ST6GALNAC3: variants seen among roughly 807,000 people sequenced by gnomAD.
ST6GALNAC3 encodes ST6 N-acetylgalactosaminide alpha-2,6-sialyltransferase 3, also known as alpha-N-acetylgalactosaminide alpha-2,6-sialyltransferase 3.
In ST6GALNAC3, 25 loss-of-function variants were observed where a neutral mutation model predicts 32.7. The observed-to-expected ratio is 0.76, with a 90% CI of 0.56 to 1.07. The LOEUF is 1.07. Among genes scored for constraint, ST6GALNAC3 ranks in the 50% least tolerant of loss-of-function variants. The pLI, the probability that ST6GALNAC3 is intolerant of heterozygous loss-of-function variation, is 0.00. For synonymous variants in ST6GALNAC3, 129 were observed against 133.1 expected (o/e 0.97, Z 0.21); for missense variants, 355 against 382.4 (o/e 0.93, Z 0.60).
intron 1 of ST6GALNAC3, among the ~76,000 whole-genome samples, chr1:76,228,189 A>G (rs1656180712): frequency 6.6e-6 from 1 of 152,204 alleles, no homozygotes; most frequent in Non-Finnish European, 1.5e-5. Context: ...TTTGCCTACC[A>G]CTAAAAGTGT....
chr1:76,479,708 G>C (rs1208059079), intron 3 of ST6GALNAC3, among the ~76,000 whole-genome samples: 1 of 152,044 alleles, frequency 6.6e-6, no homozygotes, highest in Non-Finnish European at 1.5e-5. Context: ...GCCCCTTAAA[G>C]GTCTCACCTC....
At chr1:76,084,915 A>C (rs966773127) in intron 1 of ST6GALNAC3, among the ~76,000 whole-genome samples, 1 of 152,212 alleles carries the variant, frequency 6.6e-6, no homozygotes, top group Non-Finnish European at 1.5e-5. Context: ...TTGTCTCACA[A>C]CAACCTTCAG....
intron 1 of ST6GALNAC3, among the ~76,000 whole-genome samples, chr1:76,135,730 C>G (rs1421469712): frequency 6.6e-6 from 1 of 152,220 alleles, no homozygotes; most frequent in East Asian, 1.9e-4. Context: ...TTTCTCCTTT[C>G]AGGCAACTTC....
intron 1 of ST6GALNAC3, among the ~76,000 whole-genome samples, chr1:76,190,804 A>T (rs1029149621): frequency 1.3e-5 from 2 of 152,204 alleles, no homozygotes; most frequent in Non-Finnish European, 2.9e-5. Context: ...AGAGCAAGAA[A>T]GGGGTTTTTA....
intron 3 of ST6GALNAC3, among the ~76,000 whole-genome samples, chr1:76,560,159 A>C (rs1270039785): frequency 6.6e-6 from 1 of 152,146 alleles, no homozygotes; most frequent in Non-Finnish European, 1.5e-5. Context: ...TAGACCCCCT[A>C]TCTCTCACCA....
At chr1:76,115,907 G>T (rs112777551) in intron 1 of ST6GALNAC3, among the ~76,000 whole-genome samples, 3 of 152,288 alleles carry the variant, frequency 2.0e-5, no homozygotes, top group African/African-American at 7.2e-5. Flanking sequence ...TCTAAAATAG[G>T]TGTTAAATAT....
chr1:76,270,811 A>G (rs1486625250), intron 1 of ST6GALNAC3, among the ~76,000 whole-genome samples: 2 of 152,210 alleles, frequency 1.3e-5, no homozygotes, highest in African/African-American at 2.4e-5. Flanking sequence ...CATTCAGTCC[A>G]TACTCAAAAG....
intron 1 of ST6GALNAC3, among the ~76,000 whole-genome samples, chr1:76,216,737 G>A (rs1384132159): frequency 6.6e-6 from 1 of 152,168 alleles, no homozygotes; most frequent in Non-Finnish European, 1.5e-5. Flanking sequence ...AAACTTTACT[G>A]CAGTGTAATT....
chr1:76,155,577 C>T (rs1651352373), intron 1 of ST6GALNAC3, among the ~76,000 whole-genome samples: 1 of 151,980 alleles, frequency 6.6e-6, no homozygotes, highest in Non-Finnish European at 1.5e-5. Context: ...ATGCCATTCT[C>T]CTGCCTCAGC....
chr1:76,372,496 CT>C (rs2101084585), intron 2 of ST6GALNAC3, among the ~76,000 whole-genome samples: 1 of 152,062 alleles, frequency 6.6e-6, no homozygotes, highest in Admixed American at 6.6e-5. Flanking sequence ...ATTCTCAATT[CT>C]TTTTCCTCTA....
chr1:76,588,152 A>G (rs1646991005), intron 3 of ST6GALNAC3, among the ~76,000 whole-genome samples: 1 of 152,174 alleles, frequency 6.6e-6, no homozygotes, highest in South Asian at 2.1e-4. Context: ...CTAAAAGAGA[A>G]TGATAGACCC....
At chr1:76,580,081 T>G (rs1338927102) in intron 3 of ST6GALNAC3, among the ~76,000 whole-genome samples, 1 of 152,104 alleles carries the variant, frequency 6.6e-6, no homozygotes, top group African/African-American at 2.4e-5. Context: ...TCTTGATTCT[T>G]TTATTTACAG....
chr1:76,378,325 A>G (rs1164986790), intron 2 of ST6GALNAC3, among the ~76,000 whole-genome samples: 3 of 152,080 alleles, frequency 2.0e-5, no homozygotes, highest in Non-Finnish European at 4.4e-5. Context: ...TTTGCAGAGA[A>G]TGGATGATGT....
At chr1:76,418,041 G>T (rs1654765084) in intron 3 of ST6GALNAC3, among the ~76,000 whole-genome samples, 1 of 152,124 alleles carries the variant, frequency 6.6e-6, no homozygotes, top group Non-Finnish European at 1.5e-5. Context: ...TTGCCAGCCT[G>T]TTCCATCCAT....
chr1:76,494,647 G>A (rs1285339270), intron 3 of ST6GALNAC3, among the ~76,000 whole-genome samples: 1 of 54,000 alleles, frequency 1.9e-5, no homozygotes, highest in Non-Finnish European at 3.2e-5. Context: ...TCATGTGTAT[G>A]CGCACACACA....
chr1:76,459,993 G>A (rs1040716244), intron 3 of ST6GALNAC3, among the ~76,000 whole-genome samples: 1 of 151,994 alleles, frequency 6.6e-6, no homozygotes, highest in African/African-American at 2.4e-5. Flanking sequence ...CAGTTCTTTT[G>A]GGAATACTTA....
chr1:76,170,760 T>C (rs1285726560), intron 1 of ST6GALNAC3, among the ~76,000 whole-genome samples: 1 of 152,166 alleles, frequency 6.6e-6, no homozygotes, highest in East Asian at 1.9e-4. Flanking sequence ...CCACAGTAGC[T>C]CATTTCCTTT....
At chr1:76,217,711 C>A (rs1032586151) in intron 1 of ST6GALNAC3, among the ~76,000 whole-genome samples, 2 of 152,204 alleles carry the variant, frequency 1.3e-5, no homozygotes, top group Non-Finnish European at 2.9e-5. Context: ...TTGTATCATT[C>A]TTACGCCTTT....
chr1:76,318,804 TA>T (rs1284606022), intron 2 of ST6GALNAC3, among the ~76,000 whole-genome samples: 2 of 152,182 alleles, frequency 1.3e-5, no homozygotes. Flanking sequence ...CTATTTATTT[TA>T]AATTATTAAT....
Sources: allele counts gnomAD v4.1 joint callset (sites outside exome capture counted in the v4.1 genomes callset), GRCh38; gene constraint gnomAD v4.1.1; transcripts MANE v1.5; gene names NCBI Gene and HGNC (gene_info 2026-07-23, HGNC 2026-07-21).